TARS3: variants seen among roughly 807,000 people sequenced by gnomAD.
TARS3 encodes the protein threonine--tRNA ligase 2, cytoplasmic.
A neutral mutation model predicts 103.5 loss-of-function variants in TARS3; 94 were observed. That is an observed-to-expected ratio of 0.91 (90% CI 0.77 to 1.08). The LOEUF is 1.08. Ranked by LOEUF, TARS3 falls within the 50% of genes least tolerant of loss-of-function variation. TARS3 has a pLI of 0.00. For missense variants in TARS3, 952 were observed against 995.2 expected, an observed-to-expected ratio of 0.96 and a Z score of 0.58; for synonymous variants, 416 against 355.4, an observed-to-expected ratio of 1.17 and a Z score of -1.92.
chr15:101,700,908 C>T (rs1342126697), intron 10 of TARS3, among the ~76,000 whole-genome samples, 178 bp downstream of exon 10: 2 of 152,170 alleles, frequency 1.3e-5, no homozygotes, highest in African/African-American at 2.4e-5. Context: ...TCCCAAAGTG[C>T]TGGGATTATA....
chr15:101,668,642 A>G (rs970880186), intron 15 of TARS3, among the ~76,000 whole-genome samples: 1 of 152,168 alleles, frequency 6.6e-6, no homozygotes, highest in South Asian at 2.1e-4. Flanking sequence ...AAAAAATGCA[A>G]CGTCTGCGAA....
intron 8 of TARS3, among the ~76,000 whole-genome samples, chr15:101,703,208 T>C (rs1899371673): frequency 6.6e-6 from 1 of 152,218 alleles, no homozygotes; most frequent in African/African-American, 2.4e-5. Context: ...TATGCCGCAA[T>C]ACATTACTTT....
chr15:101,718,949 G>C (rs940927210), intron 3 of TARS3, among the ~76,000 whole-genome samples: 1 of 152,182 alleles, frequency 6.6e-6, no homozygotes, highest in Non-Finnish European at 1.5e-5. Flanking sequence ...CCACAGAACT[G>C]AGCTGTGGAA....
chr15:101,666,819 A>G (rs765884665), intron 15 of TARS3, among the ~76,000 whole-genome samples: 2 of 152,242 alleles, frequency 1.3e-5, no homozygotes, highest in African/African-American at 2.4e-5. Flanking sequence ...GAAATGGTAA[A>G]TATTTGGTAA....
intron 15 of TARS3, among the ~76,000 whole-genome samples, chr15:101,669,921 C>G (rs773516619): frequency 6.6e-6 from 1 of 152,302 alleles, no homozygotes; most frequent in East Asian, 1.9e-4. Flanking sequence ...AAAGGCAAGT[C>G]GATGGTGAAA....
intron 11 of TARS3, among the ~76,000 whole-genome samples, chr15:101,685,602 C>T (rs55782644): frequency 0.16 from 25,070 of 152,052 alleles, 2,348 homozygotes; most frequent in Non-Finnish European, 0.21. Flanking sequence ...ATGTGAAGTG[C>T]ATTACTATAA....
intron 9 of TARS3, 47 bp downstream of exon 9, chr15:101,702,192 A>G (rs1899315126): frequency 6.3e-7 from 1 of 1,599,274 alleles, no homozygotes; most frequent in Non-Finnish European, 8.5e-7. Context: ...AAACATTCCT[A>G]TGTTGGCTTA....
intron 3 of TARS3, among the ~76,000 whole-genome samples, chr15:101,719,714 T>C (rs946555699): frequency 6.6e-6 from 1 of 152,194 alleles, no homozygotes; most frequent in Non-Finnish European, 1.5e-5. Flanking sequence ...GGCAGGCCCA[T>C]GCAAGGACCC....
intron 10 of TARS3, among the ~76,000 whole-genome samples, chr15:101,686,297 TATA>T (rs144895937): frequency 0.054 from 8,227 of 152,244 alleles, 314 homozygotes; most frequent in Middle Eastern, 0.11. Context: ...GTATATAGTA[TATA>T]ATGTTTTAGT....
intron 10 of TARS3, among the ~76,000 whole-genome samples, chr15:101,693,173 T>C (rs1165919775): frequency 6.6e-6 from 1 of 152,192 alleles, no homozygotes; most frequent in Admixed American, 6.5e-5. Flanking sequence ...ATTTACCATA[T>C]CTATTCTCAC....
intron 5 of TARS3, among the ~76,000 whole-genome samples, chr15:101,709,710 G>C (rs1027237295): frequency 6.6e-6 from 1 of 152,214 alleles, no homozygotes; most frequent in Non-Finnish European, 1.5e-5. Flanking sequence ...CATGAGGACA[G>C]ACTGGTTCCT....
chr15:101,694,754 T>A (rs1379233384), intron 10 of TARS3, among the ~76,000 whole-genome samples: 1 of 152,254 alleles, frequency 6.6e-6, no homozygotes, highest in Non-Finnish European at 1.5e-5. Context: ...CTTGCCTATG[T>A]CAACACCAAA....
intron 12 of TARS3, 36 bp from the exon 13 acceptor site, chr15:101,675,773 ATCAAAT>A: frequency 1.3e-6 from 2 of 1,579,792 alleles, no homozygotes; most frequent in Non-Finnish European, 8.6e-7. Flanking sequence ...CAAATAGAAC[ATCAAAT>A]TCATTTATGT....
intron 15 of TARS3, among the ~76,000 whole-genome samples, chr15:101,662,093 G>A (rs1897404773): frequency 6.6e-6 from 1 of 152,128 alleles, no homozygotes; most frequent in African/African-American, 2.4e-5. Context: ...TTCACAAAAT[G>A]TCAACTCACA....
intron 10 of TARS3, 65 bp downstream of exon 10, chr15:101,701,021 G>A (rs1899244994): frequency 1.8e-6 from 2 of 1,094,658 alleles, no homozygotes; most frequent in East Asian, 2.6e-5. Flanking sequence ...ACTTTATTAT[G>A]AGAGAAAATA....
intron 12 of TARS3, among the ~76,000 whole-genome samples, chr15:101,679,738 G>A (rs1016232248): frequency 6.6e-6 from 1 of 152,094 alleles, no homozygotes; most frequent in Non-Finnish European, 1.5e-5. Context: ...GTAAGCCTCT[G>A]GATCTTAAAT....
intron 16 of TARS3, among the ~76,000 whole-genome samples, chr15:101,658,358 A>G (rs1374838021): frequency 6.6e-6 from 1 of 151,956 alleles, no homozygotes; most frequent in Non-Finnish European, 1.5e-5. Flanking sequence ...TCTCGAAACA[A>G]AACAACATGG....
chr15:101,694,393 C>G (rs538917653), intron 10 of TARS3, among the ~76,000 whole-genome samples: 41 of 152,298 alleles, frequency 2.7e-4, no homozygotes, highest in African/African-American at 9.4e-4. Flanking sequence ...ACCATGTATC[C>G]CCAGCACTCT....
intron 13 of TARS3, among the ~76,000 whole-genome samples, chr15:101,673,990 C>T (rs1000529999): frequency 4.6e-5 from 7 of 152,188 alleles, no homozygotes; most frequent in African/African-American, 1.7e-4. Context: ...TTTCAGTTAC[C>T]CGCAGTCGAC....
Sources: allele counts gnomAD v4.1 joint callset (sites outside exome capture counted in the v4.1 genomes callset), GRCh38; gene constraint gnomAD v4.1.1; transcripts MANE v1.5; gene names NCBI Gene and HGNC (gene_info 2026-07-23, HGNC 2026-07-21).